The following DPP4 variants were observed in gnomAD, a reference collection of about 807,000 sequenced individuals.
The protein encoded by DPP4 is dipeptidyl peptidase 4.
A neutral mutation model predicts 122.4 loss-of-function variants in DPP4; 93 were observed. The ratio of observed to expected loss-of-function variants is 0.76; its 90% CI spans 0.64 to 0.90. DPP4 has a LOEUF of 0.90. Among genes scored for constraint, DPP4 ranks in the 40% least tolerant of loss-of-function variants. The pLI, the probability that DPP4 is intolerant of heterozygous loss-of-function variation, is 0.00. For missense variants in DPP4, 914 were observed against 907.3 expected, an observed-to-expected ratio of 1.01 and a Z score of -0.09; for synonymous variants, 321 against 302.9, an observed-to-expected ratio of 1.06 and a Z score of -0.62.
At chr2:162,053,920 C>T (rs1394461061) in intron 2 of DPP4, among the ~76,000 whole-genome samples, 1 of 152,152 alleles carries the variant, frequency 6.6e-6, no homozygotes, top group Non-Finnish European at 1.5e-5. Context: ...CCCTTGAGGC[C>T]CCACAACTGT....
At chr2:162,032,589 G>A (rs1379710157) in intron 10 of DPP4, among the ~76,000 whole-genome samples, 4 of 152,062 alleles carry the variant, frequency 2.6e-5, no homozygotes, top group African/African-American at 4.8e-5. Flanking sequence ...TGAGGCAGGA[G>A]AATCGCTTGA....
At chr2:161,995,581 C>G (rs1700980830) in intron 23 of DPP4, among the ~76,000 whole-genome samples, 1 of 152,170 alleles carries the variant, frequency 6.6e-6, no homozygotes, top group African/African-American at 2.4e-5. Flanking sequence ...AGGGAGGATG[C>G]CACATCTTCC....
chr2:162,022,477 C>T (rs1470844952), intron 12 of DPP4, among the ~76,000 whole-genome samples: 1 of 152,194 alleles, frequency 6.6e-6, no homozygotes, highest in Non-Finnish European at 1.5e-5. Flanking sequence ...CATGGTTACC[C>T]TTTAACTTGC....
intron 5 of DPP4, among the ~76,000 whole-genome samples, chr2:162,043,460 G>GA (rs1684062007): frequency 6.6e-6 from 1 of 152,122 alleles, no homozygotes; most frequent in East Asian, 1.9e-4. Flanking sequence ...GGGACAGAGT[G>GA]AAAAAAGCAA....
At position 162,020,613 on chromosome 2, in the gene DPP4, T is replaced by C; in HGVS notation, c.1144A>G (p.Arg382Gly). ...YKIISNEEGY[R>G]HICYFQIDKK... ...TCTATTTGGAAATAGCAAATGTGTCTGTAACCTTCTTCATTGCTGATGATC... is the reference window on the plus strand; with the variant it reads ...TCTATTTGGAAATAGCAAATGTGTCCGTAACCTTCTTCATTGCTGATGATC... Residue 382 changes from arginine (R) to glycine (G), a missense_variant, in exon 13 of 26, where the codon AGA becomes GGA. Transcript: ENST00000360534. 1 of 1,612,534 alleles carries C rather than the reference T, an allele frequency of 6.2e-7. No individual in the cohort carries two copies. Among genetic ancestry groups the C allele is most frequent in the African/African-American group, 1.3e-5 (1 of 74,988 alleles).
At chr2:162,012,884 T>C (rs1436751563) in intron 19 of DPP4, among the ~76,000 whole-genome samples, 2 of 152,156 alleles carry the variant, frequency 1.3e-5, no homozygotes, top group African/African-American at 2.4e-5. Context: ...TCTGCTTACA[T>C]GCCTTTGCTA....
At chr2:161,997,703 G>A (rs1701041580) in intron 23 of DPP4, among the ~76,000 whole-genome samples, 1 of 152,170 alleles carries the variant, frequency 6.6e-6, no homozygotes, top group South Asian at 2.1e-4. Flanking sequence ...CTGTCGCTGT[G>A]TTAAGCATCA....
At chr2:162,041,259 CT>C (rs987372333) in intron 5 of DPP4, among the ~76,000 whole-genome samples, 7 of 152,090 alleles carry the variant, frequency 4.6e-5, no homozygotes, top group Non-Finnish European at 7.4e-5. Flanking sequence ...AAATAAGTTA[CT>C]TGTCTATACG....
At chr2:162,022,663 C>T (rs534064160) in intron 12 of DPP4, 92 bp downstream of exon 12, 73 of 1,177,600 alleles carry the variant, frequency 6.2e-5, no homozygotes, top group South Asian at 4.5e-4. Context: ...CTATTAATAA[C>T]GTATCACTTA....
At chr2:162,007,236 T>A (rs992528390) in intron 22 of DPP4, among the ~76,000 whole-genome samples, 5 of 152,086 alleles carry the variant, frequency 3.3e-5, no homozygotes, top group Admixed American at 2.6e-4. Flanking sequence ...AATATTAATA[T>A]CTTAGGTTGT....
At position 162,060,892 on chromosome 2, in the gene DPP4, T is replaced by C. The variant is rs535806022; in HGVS notation, c.94+12507A>G. On this transcript the variant is annotated intron_variant, in intron 2 of 25. Coordinates refer to ENST00000360534, the MANE Select transcript of DPP4 (RefSeq NM_001935.4). Reference sequence around the variant, plus strand: ...TTCCTTCCTTCCCTCTTTCTTTCCTTCCTTCCTCCTCCCTCCCTCCCTCCC... The same window carrying C: ...TTCCTTCCTTCCCTCTTTCTTTCCTCCCTTCCTCCTCCCTCCCTCCCTCCC... Among the ~76,000 whole-genome samples, 9 of 151,096 alleles carry C rather than the reference T, an allele frequency of 6.0e-5. No homozygotes were observed. In the South Asian group the frequency reaches 1.1e-3, roughly 18 times the overall value.
At position 162,018,865 on chromosome 2, in the gene DPP4, G is replaced by A. The variant is rs1683014999; in HGVS notation, c.1299-15C>T. On this transcript the variant is annotated splice_polypyrimidine_tract_variant and intron_variant, in intron 15 of 25. Transcript: ENST00000360534. ...TAAGTTGGATTCTGTAAAACCAACG[G>A]TGGAAATTAAGTGCTTGAAGAAAAG... is the stretch of plus-strand genomic sequence containing the variant. The A allele has an allele frequency of 1.9e-6, 3 of 1,612,994 alleles. 1 individual carries two copies. Among genetic ancestry groups the A allele is most frequent in the South Asian group, 2.2e-5 (2 of 90,734 alleles).
intron 5 of DPP4, among the ~76,000 whole-genome samples, chr2:162,042,097 A>G (rs1684007944): frequency 6.6e-6 from 1 of 152,238 alleles, no homozygotes; most frequent in South Asian, 2.1e-4. Context: ...ATGCAAAGAT[A>G]GGAAAGATCA....
intron 10 of DPP4, among the ~76,000 whole-genome samples, chr2:162,025,168 A>G (rs1211527536): frequency 6.6e-6 from 1 of 152,192 alleles, no homozygotes; most frequent in African/African-American, 2.4e-5. Context: ...GAAAAGCAGC[A>G]ACAATATTCT....
At chr2:162,034,778 A>G (rs546046063) in intron 9 of DPP4, among the ~76,000 whole-genome samples, 1 of 152,332 alleles carries the variant, frequency 6.6e-6, no homozygotes, top group South Asian at 2.1e-4. Flanking sequence ...CTAGTAATAC[A>G]ATCTGATATA....
chr2:161,998,437 A>T (rs573413118), intron 23 of DPP4, among the ~76,000 whole-genome samples: 2 of 152,270 alleles, frequency 1.3e-5, no homozygotes, highest in Admixed American at 1.3e-4. Flanking sequence ...CGCGGAAGAC[A>T]GTCAACTTTA....
chr2:162,049,229 C>G (rs917970369), intron 2 of DPP4, among the ~76,000 whole-genome samples: 1 of 152,174 alleles, frequency 6.6e-6, no homozygotes, highest in African/African-American at 2.4e-5. Context: ...AATGCTCTTT[C>G]AAACAATGTT....
chr2:162,037,707 T>C (rs141655102), intron 8 of DPP4, among the ~76,000 whole-genome samples: 358 of 152,276 alleles, frequency 2.4e-3, no homozygotes, highest in African/African-American at 7.7e-3. Context: ...TTCCTAATAG[T>C]TTCGACAACT....
chr2:162,064,986 C>G (rs900922125), intron 2 of DPP4, among the ~76,000 whole-genome samples: 1 of 152,164 alleles, frequency 6.6e-6, no homozygotes, highest in African/African-American at 2.4e-5. Flanking sequence ...ACCAAATACA[C>G]GATATGCCTA....
Sources: gnomAD v4.1 joint callset for allele counts (sites outside exome capture counted in the v4.1 genomes callset) on GRCh38, gnomAD v4.1.1 for gene constraint, MANE v1.5 for transcripts, NCBI Gene and HGNC (gene_info 2026-07-23, HGNC 2026-07-21) for gene names.